Variants in PELP1 observed in about 807,000 individuals in gnomAD.
PELP1 encodes the protein proline, glutamate and leucine rich protein 1.
PELP1 carries 32 observed loss-of-function variants against 95.5 expected under a neutral mutation model. That is an observed-to-expected ratio of 0.34 (90% CI 0.25 to 0.45). PELP1 has a LOEUF of 0.45. PELP1 is among the 20% of genes least tolerant of loss of function. The pLI, the probability that PELP1 is intolerant of heterozygous loss-of-function variation, is 1.00. For synonymous variants in PELP1, 668 were observed against 600.1 expected (o/e 1.11, Z -1.65); for missense variants, 1,358 against 1,444.8 (o/e 0.94, Z 0.97).
At chr17:4,702,399 A>T (rs1913576098) in intron 1 of PELP1, among the ~76,000 whole-genome samples, 1 of 152,136 alleles carries the variant, frequency 6.6e-6, no homozygotes. Flanking sequence ...AACCTGGGTG[A>T]CAGAGTAAGA....
chr17:4,679,429 A>T (rs1187976312), intron 5 of PELP1, among the ~76,000 whole-genome samples: 12 of 152,202 alleles, frequency 7.9e-5, no homozygotes, highest in Non-Finnish European at 1.5e-5. Flanking sequence ...GAAAATAAAA[A>T]AGCAACAGCA....
intron 5 of PELP1, among the ~76,000 whole-genome samples, chr17:4,678,101 C>G (rs1392538943): frequency 6.6e-6 from 1 of 151,868 alleles, no homozygotes; most frequent in East Asian, 1.9e-4. Flanking sequence ...GTAATCCCAG[C>G]TACTTGGGAG....
Position 4,673,060 on chromosome 17 carries a change from G to C in PELP1, c.1931C>G (p.Thr644Ser), listed in dbSNP as rs1357812874. Residue 644 changes from threonine (T) to serine (S), a missense_variant, in exon 16 of 17, where the codon ACC becomes AGC. Thr to Ser is a moderately conservative substitution (Grantham distance 58, BLOSUM62 1). Transcript: ENST00000572293. The surrounding 1 kb of genome is among the most constrained non-coding windows in gnomAD (Gnocchi z 5.7). ...RVPPLQPMGP[T>S]CPTPAPVPPP... is the part of the protein sequence containing the mutation. ...GGGAACTGGAGCAGGTGTGGGGCAG[G>C]TGGGGCCCATGGGCTGCAGGGGAGG... The C allele has an allele frequency of 6.5e-7, 1 of 1,528,304 alleles. No individual in the cohort carries two copies. The highest frequency in any genetic ancestry group is 8.8e-7 in the Non-Finnish European group (1 of 1,140,612). The allele number at this position is 1,528,304 out of a possible 1,614,324, so 94.7% of individuals were successfully genotyped here.
At chr17:4,692,820 GC>G (rs1199444864) in intron 1 of PELP1, among the ~76,000 whole-genome samples, 1 of 152,072 alleles carries the variant, frequency 6.6e-6, no homozygotes, top group African/African-American at 2.4e-5. Context: ...GACCAGCCTG[GC>G]CAACATGGTG....
intron 1 of PELP1, among the ~76,000 whole-genome samples, chr17:4,698,462 A>C (rs1262760420): frequency 7.4e-6 from 1 of 135,276 alleles, no homozygotes; most frequent in Non-Finnish European, 1.6e-5. Flanking sequence ...GCGAAACCCC[A>C]TCGCTACTAA....
intron 1 of PELP1, among the ~76,000 whole-genome samples, chr17:4,700,970 G>A (rs1351670592): frequency 2.6e-4 from 6 of 23,114 alleles, no homozygotes; most frequent in Non-Finnish European, 3.3e-4. Context: ...AAAAGAGAAA[G>A]AAAGAAAAAG....
intron 3 of PELP1, among the ~76,000 whole-genome samples, chr17:4,683,829 CTTTTTT>C (rs994295435): frequency 4.4e-5 from 4 of 91,294 alleles, no homozygotes; most frequent in South Asian, 3.2e-4. Flanking sequence ...AGTGCCCAGC[CTTTTTT>C]TTTTTTTTTT....
intron 3 of PELP1, among the ~76,000 whole-genome samples, chr17:4,687,238 T>TA: frequency 6.6e-6 from 1 of 152,314 alleles, no homozygotes; most frequent in Non-Finnish European, 1.5e-5. Context: ...CATTCATTTA[T>TA]ATAATTATTC....
chr17:4,701,905 A>C (rs4790689), intron 1 of PELP1, among the ~76,000 whole-genome samples: 99,588 of 152,008 alleles, frequency 0.66, 33,437 homozygotes, highest in East Asian at 0.82. Flanking sequence ...TATCTAAACA[A>C]GTAGCACAGG....
At chr17:4,688,489 G>A (rs4790677) in intron 3 of PELP1, among the ~76,000 whole-genome samples, 148,913 of 152,290 alleles carry the variant, frequency 0.98, 72,887 homozygotes, top group Middle Eastern at 1. Context: ...AAATGAAGCC[G>A]GTAAAGTTTC....
At position 4,672,064 on chromosome 17, in the gene PELP1, G is replaced by A; in HGVS notation, c.2927C>T (p.Ala976Val). The A allele has an allele frequency of 1.3e-6, 2 of 1,559,496 alleles. No individual in the cohort carries two copies. Among genetic ancestry groups the A allele is most frequent in the Non-Finnish European group, 1.7e-6 (2 of 1,151,808 alleles). ...TGGAGGCAGGGTTGGGGGTGGAGGTGCACCTTCTTCTACCTCCCCTCCTGC... is the reference window on the plus strand; with the variant it reads ...TGGAGGCAGGGTTGGGGGTGGAGGTACACCTTCTTCTACCTCCCCTCCTGC... ...GTAGGEVEEG[A>V]PPPPTLPPAL... Residue 976 changes from alanine (A) to valine (V), a missense_variant, in exon 16 of 17, where the codon GCA (alanine) becomes GTA (valine). Around this residue, in one of 7 missense-constraint regions of PELP1, gnomAD observed 283 missense variants for 284.1 expected, o/e 1.00. Coordinates refer to ENST00000572293, the MANE Select transcript of PELP1 (RefSeq NM_014389.3).
At chr17:4,703,728 A>T in intron 1 of PELP1, 135 bp downstream of exon 1, 5 of 719,576 alleles carry the variant, frequency 6.9e-6, no homozygotes, top group Non-Finnish European at 1.1e-5. Context: ...CCGGACTGAT[A>T]CCTGGATCCC....
chr17:4,675,826 G>A lies in PELP1; in HGVS notation c.1039C>T (p.Arg347Trp), dbSNP rs775611268. 1.3e-5 allele frequency: 21 copies of A among 1,586,998 alleles called. No homozygotes were observed. In the African/African-American group the frequency reaches 1.5e-4, roughly 11 times the overall value. The change falls in exon 9 of 17, where the codon CGG becomes TGG. Residue 347 changes from arginine to tryptophan, a missense_variant. Arg to Trp is a moderately radical substitution (Grantham distance 101, BLOSUM62 -3). Transcript: ENST00000572293. This position sits in a 1 kb window ranked among gnomAD's most constrained non-coding sequence, Gnocchi z 4.3. ...PVQEILDFICRTLSVSSKNIS... is the reference protein window; with the variant it reads ...PVQEILDFICWTLSVSSKNIS... ...TTCTTGCTACTGACGCTGAGGGTCCGGCAGATGAAATCCAGGATTTCCTGC... is the reference window on the plus strand; with the variant it reads ...TTCTTGCTACTGACGCTGAGGGTCCAGCAGATGAAATCCAGGATTTCCTGC...
chr17:4,687,952 G>A (rs1252297751), intron 3 of PELP1, among the ~76,000 whole-genome samples: 1 of 152,198 alleles, frequency 6.6e-6, no homozygotes, highest in Non-Finnish European at 1.5e-5. Context: ...CTTGAGAACT[G>A]GAACAAGACA....
intron 1 of PELP1, among the ~76,000 whole-genome samples, chr17:4,693,125 C>G (rs1410225468): frequency 6.6e-6 from 1 of 152,252 alleles, no homozygotes; most frequent in East Asian, 1.9e-4. Context: ...GGAAAGCAAT[C>G]TGGCAGTTCC....
chr17:4,699,642 G>A (rs9891316), intron 1 of PELP1, among the ~76,000 whole-genome samples: 99,637 of 152,038 alleles, frequency 0.66, 33,458 homozygotes, highest in East Asian at 0.82. Context: ...GCCAGAGTTC[G>A]CAGGCGCAAT....
Position 4,673,524 on chromosome 17 carries a change from C to G in PELP1, c.1639-68G>C. ...CCAACCCTTCTCCAGAGCCTACTCC[C>G]AGGTCGGAATGGACCCACCTCTGGG... On this transcript the variant is annotated intron_variant, in intron 14 of 16. Coordinates refer to ENST00000572293, the MANE Select transcript of PELP1 (RefSeq NM_014389.3). This position sits in a 1 kb window ranked among gnomAD's most constrained non-coding sequence, Gnocchi z 5.7. The G allele has an allele frequency of 1.3e-6, 2 of 1,569,528 alleles. No individual in the cohort carries two copies. The highest frequency in any genetic ancestry group is 1.8e-6 in the Non-Finnish European group (2 of 1,142,078).
Position 4,691,079 on chromosome 17 carries a change from A to G in PELP1, c.315-86T>C, listed in dbSNP as rs1597455077. 2.9e-5 allele frequency: 27 copies of G among 941,134 alleles called. No individual in the cohort carries two copies. In the East Asian group the frequency reaches 6.6e-4, roughly 23 times the overall value. The allele number at this position is 941,134 out of a possible 1,614,324, so 58.3% of individuals were successfully genotyped here. A position where few individuals can be genotyped will look rare whatever the true frequency, so the allele number is the denominator to read the frequency against. On this transcript the variant is annotated intron_variant, in intron 2 of 16. Coordinates refer to ENST00000572293, the MANE Select transcript of PELP1 (RefSeq NM_014389.3). ...TGCTCTTTTATTCTCACTAGGCTACAGCAAGACTTCATCCCCAGATCCACT... is the reference window on the plus strand; with the variant it reads ...TGCTCTTTTATTCTCACTAGGCTACGGCAAGACTTCATCCCCAGATCCACT...
At chr17:4,698,557 G>A (rs1315713246) in intron 1 of PELP1, among the ~76,000 whole-genome samples, 6 of 144,934 alleles carry the variant, frequency 4.1e-5, no homozygotes, top group Non-Finnish European at 7.5e-5. Context: ...CAGGAGAATC[G>A]CTTAAACCCA....
Sources: gnomAD v4.1 joint callset for allele counts (sites outside exome capture counted in the v4.1 genomes callset) on GRCh38, gnomAD v4.1.1 for gene constraint, gnomAD v4.1.1 regional missense constraint, Gnocchi (gnomAD v3.1) non-coding constraint, MANE v1.5 for transcripts, NCBI Gene and HGNC (gene_info 2026-07-23, HGNC 2026-07-21) for gene names.